Variants in MAP4K5 observed in about 807,000 individuals in gnomAD.
MAP4K5 encodes the protein mitogen-activated protein kinase kinase kinase kinase 5.
A neutral mutation model predicts 135.6 loss-of-function variants in MAP4K5; 82 were observed. The ratio of observed to expected loss-of-function variants is 0.60; its 90% CI spans 0.51 to 0.73. MAP4K5 has a LOEUF of 0.73. Ranked by LOEUF, MAP4K5 falls within the 30% of genes least tolerant of loss-of-function variation. The probability of loss-of-function intolerance (pLI) is 0.00; values close to 1 mark genes in which losing one functional copy is unlikely to be tolerated. For synonymous variants in MAP4K5, 347 were observed against 335.0 expected (o/e 1.04, Z -0.39); for missense variants, 907 against 1,010.9 (o/e 0.90, Z 1.39).
intron 1 of MAP4K5, among the ~76,000 whole-genome samples, chr14:50,549,184 C>A (rs925078327): frequency 2.6e-5 from 4 of 152,096 alleles, no homozygotes; most frequent in African/African-American, 4.8e-5. Context: ...CCACCAATAC[C>A]CACTAGGACC....
At chr14:50,487,811 A>G (rs1346513146) in intron 3 of MAP4K5, among the ~76,000 whole-genome samples, 1 of 152,156 alleles carries the variant, frequency 6.6e-6, no homozygotes, top group Non-Finnish European at 1.5e-5. Context: ...ACTCGCGGGC[A>G]CCAGAATACT....
At chr14:50,532,376 C>T (rs1011317161) in intron 1 of MAP4K5, 72 bp downstream of exon 1, 7 of 274,836 alleles carry the variant, frequency 2.5e-5, no homozygotes, top group African/African-American at 9.0e-5. Flanking sequence ...CCCCGCCAGC[C>T]GGGGCCCAGG....
intron 2 of MAP4K5, among the ~76,000 whole-genome samples, chr14:50,541,432 A>C (rs1198959431): frequency 1.3e-5 from 2 of 152,232 alleles, no homozygotes; most frequent in African/African-American, 4.8e-5. Context: ...ACAAGGAAGT[A>C]GTGCTCTACC....
intron 18 of MAP4K5, among the ~76,000 whole-genome samples, chr14:50,444,588 A>C (rs1009692274): frequency 1.3e-5 from 2 of 150,378 alleles, no homozygotes; most frequent in Admixed American, 1.3e-4. Context: ...ATCTCTACAG[A>C]AAAAAAAAAT....
chr14:50,495,158 T>C (rs2139978468), intron 3 of MAP4K5, among the ~76,000 whole-genome samples: 1 of 152,286 alleles, frequency 6.6e-6, no homozygotes, highest in East Asian at 1.9e-4. Context: ...GGAGAAAATA[T>C]TTTCAAATCC....
chr14:50,479,971 C>A (rs760453002), intron 6 of MAP4K5, among the ~76,000 whole-genome samples: 69 of 152,068 alleles, frequency 4.5e-4, no homozygotes, highest in Non-Finnish European at 6.8e-4. Context: ...TCCTTCATTA[C>A]CTGATGTTCA....
chr14:50,457,646 C>T (rs891135150), intron 13 of MAP4K5, among the ~76,000 whole-genome samples: 2 of 152,248 alleles, frequency 1.3e-5, no homozygotes, highest in Admixed American at 6.5e-5. Flanking sequence ...TTTCAATGTA[C>T]TCTCAACTCC....
intron 32 of MAP4K5, among the ~76,000 whole-genome samples, chr14:50,421,060 T>C (rs1018077850): frequency 6.6e-6 from 1 of 152,132 alleles, no homozygotes; most frequent in East Asian, 1.9e-4. Context: ...ATAATTAGCA[T>C]GTTATTACTT....
rs558295263 is a variant in MAP4K5, at chr14:50,435,297, A to G, written c.1883-232T>C. 2.0e-5 allele frequency among the ~76,000 whole-genome samples: 3 copies of G among 152,298 alleles called. No homozygotes were observed. The East Asian group carries it at 5.8e-4, about 29-fold the overall frequency. ...GTTGTTAAACATAAGAACTTTTGAC[A>G]AGCACAATAACAACCTAACATGCAA... On this transcript the variant is annotated intron_variant, in intron 26 of 32. Coordinates refer to ENST00000682126, the MANE Select transcript of MAP4K5 (RefSeq NM_006575.6).
chr14:50,538,622 G>A (rs1158561331), intron 2 of MAP4K5, among the ~76,000 whole-genome samples: 5 of 152,204 alleles, frequency 3.3e-5, no homozygotes. Context: ...GTAGACTAGT[G>A]TTATGAGCAG....
At chr14:50,498,777 T>A (rs1331442093) in intron 3 of MAP4K5, among the ~76,000 whole-genome samples, 1 of 152,210 alleles carries the variant, frequency 6.6e-6, no homozygotes, top group Non-Finnish European at 1.5e-5. Context: ...TTACCAGACA[T>A]AAGTTTTTTT....
chr14:50,530,252 C>T (rs1030127780), intron 2 of MAP4K5, among the ~76,000 whole-genome samples: 6 of 152,018 alleles, frequency 3.9e-5, no homozygotes, highest in African/African-American at 1.5e-4. Context: ...CAGGAAGGCA[C>T]CAGGGTAAAA....
intron 3 of MAP4K5, among the ~76,000 whole-genome samples, chr14:50,487,031 TA>T (rs1196096616): frequency 6.6e-6 from 1 of 152,244 alleles, no homozygotes; most frequent in Non-Finnish European, 1.5e-5. Context: ...TTTTTCCCTT[TA>T]TACTTTCAAC....
chr14:50,454,261 A>G (rs938919272), intron 14 of MAP4K5, among the ~76,000 whole-genome samples: 1 of 151,570 alleles, frequency 6.6e-6, no homozygotes, highest in Admixed American at 6.6e-5. Flanking sequence ...CTGGGCGGAG[A>G]GAGGGCAGGC....
At chr14:50,541,337 C>T (rs2038557487) in intron 2 of MAP4K5, among the ~76,000 whole-genome samples, 5 of 152,124 alleles carry the variant, frequency 3.3e-5, no homozygotes, top group Admixed American at 3.3e-4. Flanking sequence ...TAGCAACCAC[C>T]CTACATACTT....
chr14:50,465,386 T>C (rs1445439266), intron 11 of MAP4K5, among the ~76,000 whole-genome samples: 1 of 152,216 alleles, frequency 6.6e-6, no homozygotes, highest in Non-Finnish European at 1.5e-5. Context: ...TTTTATTAAA[T>C]GTATGGGGAA....
chr14:50,515,256 A>G (rs1480771917), intron 2 of MAP4K5, among the ~76,000 whole-genome samples: 1 of 152,050 alleles, frequency 6.6e-6, no homozygotes, highest in Non-Finnish European at 1.5e-5. Context: ...TTTCCTCTCT[A>G]TCCTTTCTCT....
In MAP4K5 at chr14:50,420,050, T is replaced by C; in HGVS notation, c.2510A>G (p.Tyr837Cys). The C allele has an allele frequency of 1.2e-6, 2 of 1,610,792 alleles. No homozygotes were observed. The highest frequency in any genetic ancestry group is 1.7e-6 in the Non-Finnish European group (2 of 1,178,356). ...ACTATTTTCATGTCCAGCCAAGATG[T>C]AGAGATTGCTGTGTGCAGTAGGATT... ...TENPTAHSNL[Y>C]ILAGHENSY is the part of the protein sequence containing the mutation. The change falls in exon 33 of 33, where the codon TAC (tyrosine) becomes TGC (cysteine). Residue 837 changes from tyrosine (Y) to cysteine (C), a missense_variant. Physicochemically the swap from Tyr to Cys is radical, Grantham distance 194. Transcript: ENST00000682126.
chr14:50,438,157 A>G, intron 23 of MAP4K5, 63 bp from the exon 24 acceptor site: 1 of 681,504 alleles, frequency 1.5e-6, no homozygotes, highest in Non-Finnish European at 2.6e-6. Context: ...ACACAAAAAA[A>G]CCCTCAGTTA....
Sources: gnomAD v4.1 joint callset for allele counts (sites outside exome capture counted in the v4.1 genomes callset) on GRCh38, gnomAD v4.1.1 for gene constraint, MANE v1.5 for transcripts, NCBI Gene and HGNC (gene_info 2026-07-23, HGNC 2026-07-21) for gene names.